Variants in LRIG1 observed in about 807,000 individuals in gnomAD.
The protein encoded by LRIG1 is leucine rich repeats and immunoglobulin like domains 1, also known as leucine-rich repeats and immunoglobulin-like domains protein 1.
In LRIG1, 48 loss-of-function variants were observed where a neutral mutation model predicts 99.2. The ratio of observed to expected loss-of-function variants is 0.48; its 90% CI spans 0.38 to 0.62. The LOEUF (loss-of-function observed/expected upper bound fraction) is 0.62. Among genes scored for constraint, LRIG1 ranks in the 20% least tolerant of loss-of-function variants. The pLI is 0.00. For synonymous variants in LRIG1, 772 were observed against 596.1 expected, an observed-to-expected ratio of 1.29 and a Z score of -4.30; for missense variants, 1,646 against 1,434.4, an observed-to-expected ratio of 1.15 and a Z score of -2.38.
chr3:66,407,943 G>C (rs535902428), intron 7 of LRIG1, among the ~76,000 whole-genome samples: 2 of 152,332 alleles, frequency 1.3e-5, no homozygotes, highest in South Asian at 2.1e-4. Context: ...TGCCAGCAGA[G>C]GGCACCACTA....
intron 11 of LRIG1, among the ~76,000 whole-genome samples, chr3:66,396,094 G>C (rs969175381): frequency 1.3e-5 from 2 of 152,248 alleles, no homozygotes; most frequent in Non-Finnish European, 2.9e-5. Flanking sequence ...CCCTGGACGT[G>C]TGGGGCTAAC....
chr3:66,451,348 TA>T (rs748616423), intron 3 of LRIG1, among the ~76,000 whole-genome samples: 4 of 150,434 alleles, frequency 2.7e-5, no homozygotes, highest in Non-Finnish European at 5.9e-5. Flanking sequence ...TCTTGCAAAT[TA>T]AAGATGAGGT....
chr3:66,416,185 G>C (rs1035764738), intron 4 of LRIG1, among the ~76,000 whole-genome samples: 1 of 152,180 alleles, frequency 6.6e-6, no homozygotes, highest in Non-Finnish European at 1.5e-5. Flanking sequence ...AAGCAAAGTG[G>C]TGTCACGTGG....
At chr3:66,432,500 C>T (rs1703205430) in intron 3 of LRIG1, among the ~76,000 whole-genome samples, 2 of 152,160 alleles carry the variant, frequency 1.3e-5, no homozygotes, top group Admixed American at 6.5e-5. Context: ...AGTAGCTAGG[C>T]GCTGGCTTCG....
chr3:66,380,794 G>A lies in LRIG1; in HGVS notation c.2838C>T (p.Ala946=). The A allele has an allele frequency of 6.2e-7, 1 of 1,614,224 alleles. No individual in the cohort carries two copies. The highest frequency in any genetic ancestry group is 8.5e-7 in the Non-Finnish European group (1 of 1,180,042). Residue 946 remains alanine (A), a synonymous_variant, in exon 18 of 19, where the codon GCC becomes GCT. Transcript: ENST00000273261. ...TEVDCYSRGQ[A]FHPQPVSRDS... is the part of the protein sequence containing the mutation. The stretch of plus-strand genomic sequence containing the variant: ...CTCTGGACACAGGCTGGGGGTGGAA[G>A]GCTTGTCCCCTGGAGTAACAGTCCA...
intron 9 of LRIG1, among the ~76,000 whole-genome samples, chr3:66,404,667 C>G (rs1487016268): frequency 6.6e-6 from 1 of 151,996 alleles, no homozygotes; most frequent in Non-Finnish European, 1.5e-5. Flanking sequence ...AGGTGCTTGG[C>G]AGATTAACTG....
intron 3 of LRIG1, among the ~76,000 whole-genome samples, chr3:66,430,342 G>A (rs1004606746): frequency 9.2e-5 from 14 of 152,258 alleles, no homozygotes; most frequent in Middle Eastern, 3.4e-3. Context: ...ATGGATTTTC[G>A]ATTTTCAAAT....
chr3:66,407,634 C>CA (rs1702323225), intron 7 of LRIG1, 143 bp from the exon 8 acceptor site: 12 of 780,766 alleles, frequency 1.5e-5, no homozygotes, highest in African/African-American at 1.0e-4. Context: ...CACACACACA[C>CA]CCACACCCAC....
chr3:66,481,520 TACACACAC>T (rs35420784), intron 1 of LRIG1, among the ~76,000 whole-genome samples: 6 of 149,962 alleles, frequency 4.0e-5, no homozygotes, highest in Non-Finnish European at 1.5e-5. Context: ...AGGGTTTATG[TACACACAC>T]ACACACACAC....
chr3:66,488,500 G>A (rs1701026814), intron 1 of LRIG1, among the ~76,000 whole-genome samples: 1 of 151,718 alleles, frequency 6.6e-6, no homozygotes, highest in Non-Finnish European at 1.5e-5. Flanking sequence ...AGCCTGGCTT[G>A]GTGGCAGGCG....
chr3:66,489,753 CCAAT>C (rs1355805262), intron 1 of LRIG1, among the ~76,000 whole-genome samples: 1 of 152,166 alleles, frequency 6.6e-6, no homozygotes, highest in Non-Finnish European at 1.5e-5. Flanking sequence ...GGTTATGCTG[CCAAT>C]CAGTGGCAGA....
chr3:66,428,563 C>T (rs537097423), intron 3 of LRIG1, among the ~76,000 whole-genome samples: 4 of 152,246 alleles, frequency 2.6e-5, no homozygotes, highest in African/African-American at 7.2e-5. Flanking sequence ...TGCACTTGTG[C>T]CAGGACCAAT....
intron 5 of LRIG1, 81 bp from the exon 6 acceptor site, chr3:66,413,095 G>T (rs1164859375): frequency 2.0e-6 from 3 of 1,532,458 alleles, no homozygotes; most frequent in African/African-American, 1.4e-5. Context: ...TCCTGGCTAA[G>T]TTTCCAAGCC....
intron 4 of LRIG1, among the ~76,000 whole-genome samples, chr3:66,415,527 G>A (rs999224604): frequency 1.2e-4 from 19 of 152,202 alleles, no homozygotes; most frequent in Admixed American, 6.5e-4. Context: ...GGTGGGTCTT[G>A]CTATATGAAC....
Position 66,417,176 on chromosome 3 carries a change from C to CGTGATGTT in LRIG1, c.448_455dup (p.Glu153ThrfsTer16). 1 of 1,614,192 alleles carries CGTGATGTT rather than the reference C, an allele frequency of 6.2e-7. No individual in the cohort carries two copies. ...GTGGAAAGCAGGTGTTCCGCACTTC[C>CGTGATGTT]GTGATGTTGTTCAAACTCAGATCTA... is the stretch of plus-strand genomic sequence containing the variant. On this transcript the variant is annotated frameshift_variant, in exon 4 of 19. Transcript: ENST00000273261. LOFTEE classifies it high-confidence loss of function.
intron 9 of LRIG1, 129 bp from the exon 10 acceptor site, chr3:66,399,170 G>A: frequency 1.3e-6 from 1 of 747,706 alleles, no homozygotes; most frequent in Non-Finnish European, 2.3e-6. Context: ...GTCCAGTGAG[G>A]GGCAGGTGGA....
intron 1 of LRIG1, among the ~76,000 whole-genome samples, chr3:66,493,845 GAGAGAA>G (rs1701161593): frequency 1.5e-5 from 2 of 132,554 alleles, no homozygotes; most frequent in South Asian, 2.8e-4. Flanking sequence ...AAGAGAGAGA[GAGAGAA>G]AGAGAAAGAA....
In LRIG1 at chr3:66,419,178, G is replaced by T. The variant is rs938423586; in HGVS notation, c.366-1912C>A. On this transcript the variant is annotated intron_variant, in intron 3 of 18. Coordinates refer to ENST00000273261, the MANE Select transcript of LRIG1 (RefSeq NM_015541.3). Reference sequence around the variant, plus strand: ...CACCGGCCCAGAAAGGCACAAAGAGGGGGTGAGGCCTTACATTGCGAAGCC... The same window carrying T: ...CACCGGCCCAGAAAGGCACAAAGAGTGGGTGAGGCCTTACATTGCGAAGCC... Among the ~76,000 whole-genome samples, 5 of 152,284 alleles carry T rather than the reference G, an allele frequency of 3.3e-5. No homozygotes were observed. The South Asian group carries it at 8.3e-4, about 25-fold the overall frequency.
intron 1 of LRIG1, among the ~76,000 whole-genome samples, chr3:66,480,441 GGTATTTGAATCACATCT>G (rs1189616765): frequency 6.6e-6 from 1 of 151,610 alleles, no homozygotes; most frequent in Non-Finnish European, 1.5e-5. Flanking sequence ...TGAGTTTTGT[GGTATTTGAATCACATCT>G]CAAAAAAGCT....
Sources: allele counts gnomAD v4.1 joint callset (sites outside exome capture counted in the v4.1 genomes callset), GRCh38; gene constraint gnomAD v4.1.1; transcripts MANE v1.5; gene names NCBI Gene and HGNC (gene_info 2026-07-23, HGNC 2026-07-21).